Variants in ADK observed in about 807,000 individuals in gnomAD.
ADK encodes the protein adenosine kinase, also known as N6,N6-dimethyladenosine kinase.
Under a neutral mutation model 44.7 loss-of-function variants are expected in ADK, and 24 were observed. The observed-to-expected ratio is 0.54, with a 90% CI of 0.39 to 0.76. ADK has a LOEUF of 0.76. Ranked by LOEUF, ADK falls within the 30% of genes least tolerant of loss-of-function variation. The pLI is 0.00. For synonymous variants in ADK, 128 were observed against 142.6 expected (o/e 0.90, Z 0.73); for missense variants, 321 against 425.1 (o/e 0.76, Z 2.15).
At chr10:74,210,685 T>G (rs1337025833) in intron 2 of ADK, among the ~76,000 whole-genome samples, 1 of 152,200 alleles carries the variant, frequency 6.6e-6, no homozygotes, top group Non-Finnish European at 1.5e-5. Context: ...TAAATTTTAG[T>G]GCTGATTATT....
At chr10:74,372,829 C>T (rs1163824321) in intron 4 of ADK, among the ~76,000 whole-genome samples, 1 of 152,106 alleles carries the variant, frequency 6.6e-6, no homozygotes, top group Admixed American at 6.5e-5. Flanking sequence ...ATTCTTTGCA[C>T]AATTTGACAA....
chr10:74,474,303 G>A (rs916346491), intron 6 of ADK, among the ~76,000 whole-genome samples: 4 of 151,926 alleles, frequency 2.6e-5, no homozygotes, highest in African/African-American at 9.7e-5. Flanking sequence ...GGGCCTCACT[G>A]TGTTACCGAG....
intron 9 of ADK, among the ~76,000 whole-genome samples, chr10:74,617,760 T>G (rs1852832004): frequency 6.6e-6 from 1 of 151,954 alleles, no homozygotes; most frequent in South Asian, 2.1e-4. Flanking sequence ...CACGCTAATT[T>G]TTTAAATTTT....
chr10:74,556,599 T>C (rs991806171), intron 7 of ADK, among the ~76,000 whole-genome samples: 23 of 152,180 alleles, frequency 1.5e-4, no homozygotes, highest in Non-Finnish European at 2.6e-4. Flanking sequence ...ATAGCATTCA[T>C]GGACACATTT....
At chr10:74,306,292 T>A (rs1840246289) in intron 3 of ADK, among the ~76,000 whole-genome samples, 1 of 152,144 alleles carries the variant, frequency 6.6e-6, no homozygotes, top group African/African-American at 2.4e-5. Flanking sequence ...CTAATATTTT[T>A]ATTTTATCTT....
intron 6 of ADK, among the ~76,000 whole-genome samples, chr10:74,499,080 C>T (rs1214447792): frequency 6.6e-6 from 1 of 152,140 alleles, no homozygotes. Flanking sequence ...GAGACAGGGT[C>T]CCACTCTGTC....
At chr10:74,283,665 G>T (rs1439430943) in intron 3 of ADK, among the ~76,000 whole-genome samples, 5 of 132,934 alleles carry the variant, frequency 3.8e-5, no homozygotes, top group African/African-American at 1.4e-4. Context: ...ACGGAGTTTC[G>T]CTCTTGTTTT....
chr10:74,324,796 G>A (rs138988173), intron 4 of ADK, among the ~76,000 whole-genome samples: 1,992 of 152,214 alleles, frequency 0.013, 49 homozygotes, highest in Non-Finnish European at 0.014. Context: ...ATGTTGTACC[G>A]TTAATTTCTT....
intron 2 of ADK, among the ~76,000 whole-genome samples, chr10:74,220,424 C>T (rs1250500560): frequency 2.4e-4 from 37 of 151,942 alleles, no homozygotes; most frequent in South Asian, 2.1e-4. Context: ...GATTCACAGC[C>T]GAATTCTACC....
chr10:74,393,694 G>A (rs532030055), intron 4 of ADK, among the ~76,000 whole-genome samples: 2 of 152,296 alleles, frequency 1.3e-5, no homozygotes, highest in African/African-American at 4.8e-5. Context: ...CTTTAAACAT[G>A]AGTGAAATGA....
chr10:74,256,298 A>G (rs1247215104), intron 3 of ADK, among the ~76,000 whole-genome samples: 1 of 152,212 alleles, frequency 6.6e-6, no homozygotes, highest in Non-Finnish European at 1.5e-5. Context: ...GATGTGGTCA[A>G]ATTTGCAGTT....
chr10:74,268,703 T>C (rs1846308815), intron 3 of ADK, among the ~76,000 whole-genome samples: 1 of 152,352 alleles, frequency 6.6e-6, no homozygotes, highest in Middle Eastern at 3.4e-3. Flanking sequence ...TGTAGAATGA[T>C]CAATTTTCAG....
chr10:74,173,244 C>T (rs1343044725), intron 1 of ADK, among the ~76,000 whole-genome samples: 2 of 151,386 alleles, frequency 1.3e-5, no homozygotes, highest in Non-Finnish European at 2.9e-5. Context: ...GCACCCGCCA[C>T]CACGCCCGGC....
intron 6 of ADK, among the ~76,000 whole-genome samples, chr10:74,512,790 T>C (rs1380339755): frequency 6.6e-6 from 1 of 151,978 alleles, no homozygotes; most frequent in Non-Finnish European, 1.5e-5. Flanking sequence ...TATTATTTCT[T>C]TCCTTCCATT....
chr10:74,519,002 T>G (rs566541438), intron 6 of ADK, among the ~76,000 whole-genome samples: 1 of 151,890 alleles, frequency 6.6e-6, no homozygotes, highest in Non-Finnish European at 1.5e-5. Flanking sequence ...TGCTATTCAA[T>G]AGAAATATAA....
At chr10:74,340,186 T>G (rs11001003) in intron 4 of ADK, among the ~76,000 whole-genome samples, 18,662 of 152,184 alleles carry the variant, frequency 0.12, 1,205 homozygotes, top group Middle Eastern at 0.17. Flanking sequence ...TACATTTAAT[T>G]TTAGTATTCA....
At chr10:74,190,671 G>A (rs753046002) in intron 1 of ADK, among the ~76,000 whole-genome samples, 6 of 152,120 alleles carry the variant, frequency 3.9e-5, no homozygotes, top group Non-Finnish European at 5.9e-5. Context: ...TCTTGGGAGT[G>A]GGGTTTTTCA....
chr10:74,288,000 A>G (rs950213412), intron 3 of ADK, among the ~76,000 whole-genome samples: 8 of 151,482 alleles, frequency 5.3e-5, no homozygotes, highest in South Asian at 4.1e-4. Context: ...AAAAAAAAAA[A>G]AGAGAAAAAA....
At chr10:74,446,127 T>G (rs1195581602) in intron 6 of ADK, among the ~76,000 whole-genome samples, 1 of 152,060 alleles carries the variant, frequency 6.6e-6, no homozygotes, top group Admixed American at 6.5e-5. Flanking sequence ...TTAAAGGGCT[T>G]TAATTTTTTC....
Sources: gnomAD v4.1 joint callset for allele counts (sites outside exome capture counted in the v4.1 genomes callset) on GRCh38, gnomAD v4.1.1 for gene constraint, MANE v1.5 for transcripts, NCBI Gene and HGNC (gene_info 2026-07-23, HGNC 2026-07-21) for gene names.